LUC7L2: variants seen among roughly 807,000 people sequenced by gnomAD.
LUC7L2 encodes putative RNA-binding protein Luc7-like 2.
LUC7L2 carries 25 observed loss-of-function variants against 52.8 expected under a neutral mutation model. The observed-to-expected ratio is 0.47, with a 90% CI of 0.34 to 0.66. The LOEUF is 0.66. Ranked by LOEUF, LUC7L2 falls within the 30% of genes least tolerant of loss-of-function variation. The pLI, the probability that LUC7L2 is intolerant of heterozygous loss-of-function variation, is 0.01. For synonymous variants in LUC7L2, 144 were observed against 160.9 expected (o/e 0.89, Z 0.80); for missense variants, 328 against 497.8 (o/e 0.66, Z 3.25).
At chr7:139,411,079 TG>T (rs1233126515) in intron 7 of LUC7L2, among the ~76,000 whole-genome samples, 1 of 152,224 alleles carries the variant, frequency 6.6e-6, no homozygotes, top group Non-Finnish European at 1.5e-5. Flanking sequence ...TCAGTAATAT[TG>T]GGAATCTCAT....
chr7:139,407,366 A>G lies in LUC7L2; in HGVS notation c.687+16A>G, dbSNP rs1230408368. ...AGAATTAAAGGTACATTGGTAAAAT[A>G]TTCCTCACTTTATCCTCTTGTTCTT... On this transcript the variant is annotated intron_variant, in intron 6 of 9. Transcript: ENST00000354926. 3 of 1,598,704 alleles carry G rather than the reference A, an allele frequency of 1.9e-6. No homozygotes were observed. The highest frequency in any genetic ancestry group is 2.6e-6 in the Non-Finnish European group (3 of 1,171,972).
intron 3 of LUC7L2, among the ~76,000 whole-genome samples, chr7:139,399,069 TTATATATA>T (rs10585186): frequency 3.3e-5 from 5 of 150,904 alleles, no homozygotes; most frequent in Admixed American, 6.6e-5. Flanking sequence ...TTGAATCTAC[TTATATATA>T]TATATACATG....
intron 1 of LUC7L2, chr7:139,341,232 C>A: frequency 1.5e-6 from 2 of 1,339,264 alleles, no homozygotes; most frequent in Non-Finnish European, 2.0e-6. Context: ...TAATAAGGTT[C>A]GGTCAACGGA....
chr7:139,360,569 GT>G (rs1413850369), intron 1 of LUC7L2, among the ~76,000 whole-genome samples: 2 of 152,198 alleles, frequency 1.3e-5, no homozygotes, highest in African/African-American at 4.8e-5. Flanking sequence ...AGAAAGGAGA[GT>G]TTGTGCTTTT....
rs888483680 is a variant in LUC7L2 at position 139,359,985 on chromosome 7, C to G, written c.-277C>G. The G allele has an allele frequency of 9.3e-6, 4 of 431,870 alleles. No homozygotes were observed. The highest frequency in any genetic ancestry group is 1.6e-5 in the Non-Finnish European group (4 of 243,642). The allele number at this position is 431,870 out of a possible 1,614,324, so 26.8% of individuals were successfully genotyped here. On this transcript the variant is annotated 5_prime_UTR_variant, in exon 1 of 10. Transcript: ENST00000354926. ...CGGGTGGCGGTGTTGAAGGCGAGAG[C>G]TTGCTTGGCCCGTGTCGCTTCTGTC... is the stretch of plus-strand genomic sequence containing the variant.
At chr7:139,382,587 C>T (rs946782948) in intron 2 of LUC7L2, among the ~76,000 whole-genome samples, 3 of 152,054 alleles carry the variant, frequency 2.0e-5, no homozygotes, top group Admixed American at 2.0e-4. Context: ...TTCACTTCCA[C>T]CATGTTGTCC....
intron 2 of LUC7L2, among the ~76,000 whole-genome samples, chr7:139,382,341 C>T (rs188602797): frequency 1.3e-5 from 2 of 152,104 alleles, no homozygotes; most frequent in South Asian, 2.1e-4. Flanking sequence ...TTGATATTGT[C>T]GTAGTCAATA....
chr7:139,355,265 A>G (rs1246624163), upstream of LUC7L2, among the ~76,000 whole-genome samples: 1 of 152,130 alleles, frequency 6.6e-6, no homozygotes, highest in African/African-American at 2.4e-5. Flanking sequence ...TAATCTCTTC[A>G]GTTACCTAAA....
chr7:139,373,971 A>C (rs898494255), intron 1 of LUC7L2, among the ~76,000 whole-genome samples: 1 of 152,154 alleles, frequency 6.6e-6, no homozygotes, highest in African/African-American at 2.4e-5. Flanking sequence ...GCTTAATATA[A>C]TTAGGGTACA....
chr7:139,417,899 G>T (rs1469114758), intron 9 of LUC7L2, among the ~76,000 whole-genome samples, 170 bp downstream of exon 9: 1 of 152,116 alleles, frequency 6.6e-6, no homozygotes, highest in African/African-American at 2.4e-5. Context: ...TGATTATATG[G>T]GTAGTTTTGA....
intron 2 of LUC7L2, among the ~76,000 whole-genome samples, chr7:139,397,925 A>G (rs1219653264): frequency 2.0e-5 from 3 of 152,246 alleles, no homozygotes; most frequent in African/African-American, 7.2e-5. Context: ...GGGTCTTACT[A>G]GTAAATCACC....
At chr7:139,407,399 G>GT (rs1569391427) in intron 6 of LUC7L2, 49 bp downstream of exon 6, 1 of 1,544,276 alleles carries the variant, frequency 6.5e-7, no homozygotes. Context: ...CTTTTGATCT[G>GT]TATCAGTTGC....
Position 139,409,619 on chromosome 7 carries a change from AGAG to A in LUC7L2, c.745_747del (p.Glu249del). 9.0e-7 allele frequency: 1 copy of A among 1,113,408 alleles called. No homozygotes were observed. The highest frequency in any genetic ancestry group is 1.2e-6 in the Non-Finnish European group (1 of 819,966). 69.0% of individuals were successfully genotyped at this position (1,113,408 alleles called of 1,614,324 possible). A position where few individuals can be genotyped will look rare whatever the true frequency, so the allele number is the denominator to read the frequency against. ...ACCAGGAACGGCTGAAACGAAGAGA[AGAG>A]AGAGAGAGAGAAGAAAGGGAGAAGC... On this transcript the variant is annotated inframe_deletion, in exon 7 of 10. Transcript: ENST00000354926.
rs1444577886 is a variant in LUC7L2, at chr7:139,359,974, G to A, written c.-288G>A. On this transcript the variant is annotated 5_prime_UTR_variant, in exon 1 of 10. Transcript: ENST00000354926. The stretch of plus-strand genomic sequence containing the variant: ...ACGGCTTCTGGCGGGTGGCGGTGTT[G>A]AAGGCGAGAGCTTGCTTGGCCCGTG... 1 of 427,844 alleles carries A rather than the reference G, an allele frequency of 2.3e-6. No homozygotes were observed. The highest frequency in any genetic ancestry group is 4.1e-6 in the Non-Finnish European group (1 of 241,488). The allele number at this position is 427,844 out of a possible 1,614,324, so 26.5% of individuals were successfully genotyped here. A position where few individuals can be genotyped will look rare whatever the true frequency, so the allele number is the denominator to read the frequency against.
chr7:139,348,399 G>A lies in LUC7L2; in HGVS notation c.-26+7882G>A, dbSNP rs573578553. On this transcript the variant is annotated intron_variant, in intron 1 of 10. Coordinates refer to the LUC7L2 transcript ENST00000541170. ...TAATGGTAAGAAATATTACAGTTTT[G>A]AAGTCATATAGATTTAGATTGTTAA... 2.2e-3 allele frequency among the ~76,000 whole-genome samples: 336 copies of A among 151,666 alleles called. 2 individuals are homozygous for A. Among genetic ancestry groups the A allele is most frequent in the Non-Finnish European group, 3.9e-3 (263 of 67,892 alleles).
chr7:139,371,500 A>G (rs1800448057), intron 1 of LUC7L2: 2 of 1,549,420 alleles, frequency 1.3e-6, no homozygotes, highest in Admixed American at 3.9e-5. Context: ...AATAGCACCT[A>G]AATCTATGAA....
chr7:139,419,065 G>A (rs1017661960), intron 9 of LUC7L2, among the ~76,000 whole-genome samples: 7 of 151,240 alleles, frequency 4.6e-5, no homozygotes, highest in Non-Finnish European at 7.4e-5. Context: ...AGCCAAGATC[G>A]CACCACTGCA....
chr7:139,403,011 T>G (rs912577013), intron 4 of LUC7L2, among the ~76,000 whole-genome samples: 1 of 152,182 alleles, frequency 6.6e-6, no homozygotes, highest in African/African-American at 2.4e-5. Flanking sequence ...TTTCATGGAG[T>G]GTTACATAAA....
intron 8 of LUC7L2, chr7:139,416,040 A>AAC: frequency 1.0e-5 from 1 of 97,744 alleles, no homozygotes; most frequent in Non-Finnish European, 2.4e-5. Context: ...TGAGGTATAA[A>AAC]ATATATATAT....
Sources: gnomAD v4.1 joint callset for allele counts (sites outside exome capture counted in the v4.1 genomes callset) on GRCh38, gnomAD v4.1.1 for gene constraint, MANE v1.5 for transcripts, NCBI Gene and HGNC (gene_info 2026-07-23, HGNC 2026-07-21) for gene names.